KLF12: variants seen among roughly 807,000 people sequenced by gnomAD.
KLF12 encodes KLF transcription factor 12, also known as Krueppel-like factor 12.
A neutral mutation model predicts 37.8 loss-of-function variants in KLF12; 9 were observed. The ratio of observed to expected loss-of-function variants is 0.24; its 90% confidence interval spans 0.14 to 0.42. The LOEUF (loss-of-function observed/expected upper bound fraction) is 0.42, where lower values mean the gene tolerates loss of function less well. KLF12 is among the 10% of genes least tolerant of loss of function. The pLI, the probability that KLF12 is intolerant of heterozygous loss-of-function variation, is 1.00. For synonymous variants in KLF12, 208 were observed against 202.1 expected, an observed-to-expected ratio of 1.03 and a Z score of -0.25; for missense variants, 411 against 516.0, an observed-to-expected ratio of 0.80 and a Z score of 1.97.
rs1255173854 is a variant in KLF12 at position 73,694,225 on chromosome 13, A to C, written c.*1265T>G. Reference sequence around the variant, plus strand: ...AGGAGAACTGACCCATTAACCGAAGAGTTAATTCCCGGCTATGCCTCCCTT... The same window carrying C: ...AGGAGAACTGACCCATTAACCGAAGCGTTAATTCCCGGCTATGCCTCCCTT... On this transcript the variant is annotated 3_prime_UTR_variant, in exon 8 of 8. Coordinates refer to ENST00000377669, the MANE Select transcript of KLF12 (RefSeq NM_007249.5). 1 of 152,610 alleles carries C rather than the reference A, an allele frequency of 6.6e-6. No homozygotes were observed. Among genetic ancestry groups the C allele is most frequent in the Admixed American group, 6.5e-5 (1 of 15,278 alleles). 9.5% of individuals were successfully genotyped at this position (152,610 alleles called of 1,614,324 possible).
intron 3 of KLF12, among the ~76,000 whole-genome samples, chr13:73,875,636 T>A (rs1051140185): frequency 1.3e-4 from 20 of 152,250 alleles, no homozygotes; most frequent in African/African-American, 4.3e-4. Flanking sequence ...GTTGTATAAA[T>A]CATTAATCTT....
the KLF12 span, among the ~76,000 whole-genome samples, chr13:74,294,893 C>T: frequency 6.6e-6 from 1 of 152,178 alleles, no homozygotes; most frequent in Non-Finnish European, 1.5e-5. Context: ...TCCATCATCT[C>T]ATATTTTATC....
intron 2 of KLF12, among the ~76,000 whole-genome samples, chr13:73,981,914 G>T (rs1799155306): frequency 6.6e-6 from 1 of 151,798 alleles, no homozygotes. Flanking sequence ...TGTTACAGCA[G>T]CCCAGACAGG....
At chr13:74,010,817 A>G (rs2138363949) in intron 1 of KLF12, among the ~76,000 whole-genome samples, 1 of 152,336 alleles carries the variant, frequency 6.6e-6, no homozygotes, top group Non-Finnish European at 1.5e-5. Context: ...ATTTCTAGAA[A>G]CATGCATTAA....
the KLF12 span, among the ~76,000 whole-genome samples, chr13:74,213,836 C>T: frequency 6.6e-6 from 1 of 152,090 alleles, no homozygotes; most frequent in Non-Finnish European, 1.5e-5. Flanking sequence ...TTTCTTTGGG[C>T]ATTTACTTTC....
chr13:73,799,927 A>G (rs1039040486), intron 5 of KLF12: 1 of 152,150 alleles, frequency 6.6e-6, no homozygotes, highest in Non-Finnish European at 1.5e-5. Context: ...AAAGGTCATG[A>G]AATTTTAGCT....
intron 1 of KLF12, among the ~76,000 whole-genome samples, chr13:74,101,976 T>C (rs148796409): frequency 1.7e-3 from 259 of 151,530 alleles, no homozygotes; most frequent in African/African-American, 6.0e-3. Flanking sequence ...TCCCAGCACT[T>C]TGGGAGGCCG....
chr13:74,012,918 G>A (rs764159971), intron 1 of KLF12, among the ~76,000 whole-genome samples: 1 of 152,092 alleles, frequency 6.6e-6, no homozygotes, highest in South Asian at 2.1e-4. Flanking sequence ...GCCTTACTTC[G>A]ATAGAGCCCG....
In KLF12 at chr13:73,695,507, T is replaced by G. The variant is rs779549019; in HGVS notation, c.1192A>C (p.Arg398=). 2 of 1,613,814 alleles carry G rather than the reference T, an allele frequency of 1.2e-6. No homozygotes were observed. Among genetic ancestry groups the G allele is most frequent in the African/African-American group, 2.7e-5 (2 of 74,912 alleles). The change falls in exon 8 of 8, where the codon AGG becomes CGG. Residue 398 remains arginine, a synonymous_variant. Coordinates refer to ENST00000377669, the MANE Select transcript of KLF12 (RefSeq NM_007249.5). ...AGCATTCCTCACACCAACATATGCC[T>G]CCGGCGGTGCAGGGCCAAATGATCT...
At chr13:74,167,677 G>A in the KLF12 span, among the ~76,000 whole-genome samples, 1 of 152,154 alleles carries the variant, frequency 6.6e-6, no homozygotes, top group African/African-American at 2.4e-5. Context: ...AGGTACTGTG[G>A]TTTTATACTT....
chr13:73,761,056 C>A (rs972485258), intron 6 of KLF12, among the ~76,000 whole-genome samples: 6 of 152,104 alleles, frequency 3.9e-5, no homozygotes, highest in Admixed American at 1.3e-4. Flanking sequence ...AGGAATAAAA[C>A]AGCTGAATAT....
intron 3 of KLF12, among the ~76,000 whole-genome samples, chr13:73,939,906 C>G (rs552185756): frequency 6.6e-6 from 1 of 152,158 alleles, no homozygotes; most frequent in Non-Finnish European, 1.5e-5. Flanking sequence ...CTCTGTCTCA[C>G]CCCTTGCTCC....
the KLF12 span, among the ~76,000 whole-genome samples, chr13:74,301,129 C>A: frequency 6.6e-6 from 1 of 152,224 alleles, no homozygotes; most frequent in Non-Finnish European, 1.5e-5. Context: ...ACTCACCTAC[C>A]TTTTATTTTA....
the KLF12 span, among the ~76,000 whole-genome samples, chr13:74,227,140 C>G: frequency 1.3e-5 from 2 of 152,102 alleles, no homozygotes; most frequent in Non-Finnish European, 2.9e-5. Flanking sequence ...CATCACTTGC[C>G]TTTCCTCAAA....
intron 6 of KLF12, among the ~76,000 whole-genome samples, chr13:73,723,370 C>T (rs1280660528): frequency 1.3e-5 from 2 of 151,926 alleles, no homozygotes; most frequent in Non-Finnish European, 2.9e-5. Flanking sequence ...CTAGACATAC[C>T]CACTGAATGG....
intron 3 of KLF12, among the ~76,000 whole-genome samples, chr13:73,924,817 G>A (rs1889297935): frequency 6.6e-6 from 1 of 152,172 alleles, no homozygotes; most frequent in African/African-American, 2.4e-5. Flanking sequence ...GAAATTAAAA[G>A]TGCTACTCCA....
chr13:73,830,982 C>T (rs2138579469), intron 4 of KLF12, among the ~76,000 whole-genome samples: 1 of 133,534 alleles, frequency 7.5e-6, no homozygotes, highest in African/African-American at 2.7e-5. Flanking sequence ...AATTACCTCA[C>T]GCAATTCATA....
chr13:74,220,675 G>A, the KLF12 span, among the ~76,000 whole-genome samples: 3 of 151,996 alleles, frequency 2.0e-5, no homozygotes, highest in Admixed American at 6.6e-5. Context: ...CATCTCCCTG[G>A]TCTACCCAAC....
intron 5 of KLF12, among the ~76,000 whole-genome samples, chr13:73,765,834 C>T (rs1004327928): frequency 6.6e-6 from 1 of 152,148 alleles, no homozygotes; most frequent in Non-Finnish European, 1.5e-5. Flanking sequence ...GCAGTCTTAG[C>T]TTGTATTACC....
Sources: allele counts gnomAD v4.1 joint callset (sites outside exome capture counted in the v4.1 genomes callset), GRCh38; gene constraint gnomAD v4.1.1; transcripts MANE v1.5; gene names NCBI Gene and HGNC (gene_info 2026-07-23, HGNC 2026-07-21).